The following TYW3 variants were observed in gnomAD, a reference collection of about 807,000 sequenced individuals.
The protein encoded by TYW3 is tRNA wybutosine-synthesizing protein 3 homolog.
Under a neutral mutation model 23.1 loss-of-function variants are expected in TYW3, and 26 were observed. That is an observed-to-expected ratio of 1.13 (90% CI 0.83 to 1.56). The LOEUF is 1.56. Among genes scored for constraint, TYW3 ranks in the 40% most tolerant of loss-of-function variants. The pLI is 0.00. For synonymous variants in TYW3, 102 were observed against 105.7 expected (o/e 0.97, Z 0.21); for missense variants, 316 against 311.9 (o/e 1.01, Z -0.10).
chr1:74,735,781 G>A (rs1320803279), intron 1 of TYW3, among the ~76,000 whole-genome samples: 1 of 152,176 alleles, frequency 6.6e-6, no homozygotes, highest in Non-Finnish European at 1.5e-5. Context: ...GACATGCATA[G>A]CAATTCCCGG....
Position 74,736,548 on chromosome 1 carries a change from A to G in TYW3, c.181A>G (p.Asn61Asp). 2.5e-6 allele frequency: 4 copies of G among 1,595,554 alleles called. No individual in the cohort carries two copies. The highest frequency in any genetic ancestry group is 3.4e-6 in the Non-Finnish European group (4 of 1,171,274). Residue 61 changes from asparagine (N) to aspartate (D), a missense_variant, in exon 2 of 6, where the codon AAT (asparagine) becomes GAT (aspartate). Asn to Asp is a conservative substitution (Grantham distance 23, BLOSUM62 1). Transcript: ENST00000370867. ...ATGTTATTTTTTATTTTAGGGTATA[A>G]ATGGTTTTGAGGTTCAGAAACAAAA... The part of the protein sequence containing the change: ...GRILLLDRGI[N>D]GFEVQKQNCC...
At chr1:74,735,728 A>G (rs1366860436) in intron 1 of TYW3, among the ~76,000 whole-genome samples, 1 of 152,220 alleles carries the variant, frequency 6.6e-6, no homozygotes, top group Non-Finnish European at 1.5e-5. Context: ...TACGTAAGTC[A>G]CCATCACCGA....
chr1:74,752,257 T>G (rs1648808610), intron 4 of TYW3, 35 bp from the exon 5 acceptor site: 10 of 1,567,126 alleles, frequency 6.4e-6, no homozygotes, highest in African/African-American at 1.4e-5. Flanking sequence ...CTGTGGTATC[T>G]AAGTCTTCAT....
At position 74,733,255 on chromosome 1, in the gene TYW3, G is replaced by A. The variant is rs1268520889; in HGVS notation, c.11G>A (p.Ser4Asn). ...CTGAGTCCGTCACCCATGGATCGCA[G>A]CGCGGAGTTCAGGAAATGGAAGGCG... MDR[S>N]AEFRKWKAQC... is the part of the protein sequence containing the mutation. Residue 4 changes from serine (S) to asparagine (N), a missense_variant, in exon 1 of 6, where the codon AGC becomes AAC. By Grantham distance (46) the Ser-to-Asn change is conservative. Transcript: ENST00000370867. The A allele has an allele frequency of 3.7e-6, 6 of 1,614,088 alleles. No homozygotes were observed. The highest frequency in any genetic ancestry group is 5.1e-6 in the Non-Finnish European group (6 of 1,179,986).
At chr1:74,748,898 C>A in intron 4 of TYW3, 76 bp downstream of exon 4, 1 of 1,241,430 alleles carries the variant, frequency 8.1e-7, no homozygotes, top group Non-Finnish European at 1.2e-6. Context: ...TAGACTCCTG[C>A]CTTTAATGTC....
chr1:74,752,492 T>C, intron 5 of TYW3, 67 bp downstream of exon 5: 1 of 1,411,440 alleles, frequency 7.1e-7, no homozygotes, highest in East Asian at 2.4e-5. Flanking sequence ...CATTAATACT[T>C]ACTATCTTCA....
Position 74,738,711 on chromosome 1 carries a change from A to G in TYW3, c.277A>G (p.Asn93Asp), listed in dbSNP as rs766580523. Residue 93 changes from asparagine (N) to aspartate (D), a missense_variant, in exon 3 of 6, where the codon AAT (asparagine) becomes GAT (aspartate). Asn to Asp is a conservative substitution (Grantham distance 23). Coordinates refer to ENST00000370867, the MANE Select transcript of TYW3 (RefSeq NM_138467.3). ...TTAGATTGTAGCTCTGAAGAAAGCA[A>G]ATGGTGATGCCACTTTGAAATTTGA... Reference protein sequence around the residue: ...DDVIVALKKANGDATLKFEPF... With the variant: ...DDVIVALKKADGDATLKFEPF... 3 of 1,607,920 alleles carry G rather than the reference A, an allele frequency of 1.9e-6. No homozygotes were observed. In the African/African-American group the frequency reaches 4.0e-5, roughly 21 times the overall value.
At chr1:74,742,582 A>G (rs546442490) in intron 3 of TYW3, among the ~76,000 whole-genome samples, 20 of 152,290 alleles carry the variant, frequency 1.3e-4, no homozygotes, top group Admixed American at 2.6e-4. Flanking sequence ...TAGCCTCAGC[A>G]TCTGCCCAAC....
At chr1:74,749,969 A>G (rs1648720754) in intron 4 of TYW3, among the ~76,000 whole-genome samples, 1 of 152,224 alleles carries the variant, frequency 6.6e-6, no homozygotes, top group South Asian at 2.1e-4. Context: ...CAAAGAAAAG[A>G]AAATTAAAGC....
At chr1:74,749,919 G>A (rs1156526169) in intron 4 of TYW3, among the ~76,000 whole-genome samples, 1 of 152,096 alleles carries the variant, frequency 6.6e-6, no homozygotes, top group East Asian at 1.9e-4. Context: ...TCACGCCACT[G>A]CGCTCTGGCT....
At chr1:74,736,208 A>G (rs1321592342) in intron 1 of TYW3, 2 of 165,800 alleles carry the variant, frequency 1.2e-5, no homozygotes, top group Non-Finnish European at 2.6e-5. Flanking sequence ...TCATTTTTAA[A>G]TACTGTGCTA....
chr1:74,733,409 C>T lies in TYW3; in HGVS notation c.165C>T (p.Leu55=), dbSNP rs140124912. The T allele has an allele frequency of 6.2e-7, 1 of 1,614,202 alleles. No homozygotes were observed. Among genetic ancestry groups the T allele is most frequent in the Non-Finnish European group, 8.5e-7 (1 of 1,180,024 alleles). Residue 55 remains leucine (L), a synonymous_variant, in exon 1 of 6, where the codon CTC becomes CTT. Transcript: ENST00000370867. ...GCTCCTGCGCTGGCCGCATCCTACT[C>T]CTTGACCGGGTGAGGCCCCTTTGCG... ...TTSSCAGRIL[L]LDRGINGFEV...
At position 74,764,977 on chromosome 1, in the gene TYW3, G is replaced by T. The variant is rs1649253501; in HGVS notation, c.*864G>T. On this transcript the variant is annotated 3_prime_UTR_variant, in exon 6 of 6. Transcript: ENST00000370867. Reference sequence around the variant, plus strand: ...AGGGCCGTTCTAATCTAGCATGGAGGTAGACAGTGTTTCCTTAATATGGCT... The same window carrying T: ...AGGGCCGTTCTAATCTAGCATGGAGTTAGACAGTGTTTCCTTAATATGGCT... 2 of 152,164 alleles carry T rather than the reference G, an allele frequency of 1.3e-5. No individual in the cohort carries two copies. Among genetic ancestry groups the T allele is most frequent in the Admixed American group, 6.6e-5 (1 of 15,252 alleles). 9.4% of individuals were successfully genotyped at this position (152,164 alleles called of 1,614,324 possible).
intron 4 of TYW3, among the ~76,000 whole-genome samples, chr1:74,749,606 C>T (rs1648704669): frequency 6.6e-6 from 1 of 152,132 alleles, no homozygotes; most frequent in Admixed American, 6.5e-5. Flanking sequence ...CTATTTTTAA[C>T]AATAACCTAT....
At chr1:74,744,998 C>T (rs1244377256) in intron 3 of TYW3, among the ~76,000 whole-genome samples, 4 of 151,390 alleles carry the variant, frequency 2.6e-5, no homozygotes, top group African/African-American at 4.9e-5. Context: ...TTAAAGGTGG[C>T]GCGTCCAGAG....
At chr1:74,757,698 T>A (rs1025961776) in intron 5 of TYW3, among the ~76,000 whole-genome samples, 4 of 152,154 alleles carry the variant, frequency 2.6e-5, no homozygotes, top group African/African-American at 9.7e-5. Context: ...TGGGGGACTG[T>A]TGGAAAGGGA....
rs1385087885 is a variant in TYW3 at position 74,733,279 on chromosome 1, C to A, written c.35C>A (p.Ala12Glu). The change falls in exon 1 of 6, where the codon GCG (alanine) becomes GAG (glutamate). Residue 12 changes from alanine to glutamate, a missense_variant. Coordinates refer to ENST00000370867, the MANE Select transcript of TYW3 (RefSeq NM_138467.3). ...DRSAEFRKWKAQCLSKADLSR... is the reference protein window; with the variant it reads ...DRSAEFRKWKEQCLSKADLSR... Reference sequence around the variant, plus strand: ...AGCGCGGAGTTCAGGAAATGGAAGGCGCAATGTTTGAGCAAAGCGGACCTC... The same window carrying A: ...AGCGCGGAGTTCAGGAAATGGAAGGAGCAATGTTTGAGCAAAGCGGACCTC... 6.2e-7 allele frequency: 1 copy of A among 1,614,024 alleles called. No individual in the cohort carries two copies. Among genetic ancestry groups the A allele is most frequent in the Non-Finnish European group, 8.5e-7 (1 of 1,180,014 alleles).
intron 3 of TYW3, among the ~76,000 whole-genome samples, chr1:74,747,715 A>G (rs974925961): frequency 5.3e-5 from 8 of 151,436 alleles, no homozygotes; most frequent in Non-Finnish European, 1.2e-4. Context: ...GTGTGTGTGT[A>G]TATATATGTA....
At chr1:74,738,831 G>A in intron 3 of TYW3, 43 bp downstream of exon 3, 1 of 1,473,100 alleles carries the variant, frequency 6.8e-7, no homozygotes, top group South Asian at 1.2e-5. Context: ...TAGATATGTG[G>A]GTAGATGTAA....
Sources: gnomAD v4.1 joint callset for allele counts (sites outside exome capture counted in the v4.1 genomes callset) on GRCh38, gnomAD v4.1.1 for gene constraint, MANE v1.5 for transcripts, NCBI Gene and HGNC (gene_info 2026-07-23, HGNC 2026-07-21) for gene names.